The following PIGN variants were observed in gnomAD, a reference collection of about 807,000 sequenced individuals.
The protein encoded by PIGN is GPI ethanolamine phosphate transferase 1.
In PIGN, 117 loss-of-function variants were observed where a neutral mutation model predicts 125.4. The observed-to-expected ratio is 0.93, with a 90% CI of 0.80 to 1.09. PIGN has a LOEUF of 1.09. PIGN is among the 50% of genes least tolerant of loss of function. PIGN has a pLI of 0.00. For synonymous variants in PIGN, 392 were observed against 377.8 expected (o/e 1.04, Z -0.44); for missense variants, 1,075 against 1,094.9 (o/e 0.98, Z 0.26).
At chr18:62,056,970 G>A (rs1230491336) in intron 30 of PIGN, 1 of 152,202 alleles carries the variant, frequency 6.6e-6, no homozygotes, top group Non-Finnish European at 1.5e-5. Context: ...ATCTGAGGTA[G>A]AATGGTTTCA....
At chr18:62,091,261 C>T (rs976530580) in intron 23 of PIGN, among the ~76,000 whole-genome samples, 5 of 152,096 alleles carry the variant, frequency 3.3e-5, no homozygotes, top group Non-Finnish European at 4.4e-5. Context: ...AGGAGAATCA[C>T]GTGAACCCGG....
intron 15 of PIGN, 43 bp from the exon 16 acceptor site, chr18:62,113,359 AG>A: frequency 6.9e-7 from 1 of 1,450,180 alleles, no homozygotes; most frequent in East Asian, 2.3e-5. Flanking sequence ...AGAAATAATA[AG>A]AAAACCTACA....
chr18:62,045,555 T>C lies in PIGN; in HGVS notation c.*301A>G. The C allele has an allele frequency of 8.6e-6, 2 of 231,542 alleles. No individual in the cohort carries two copies. Among genetic ancestry groups the C allele is most frequent in the South Asian group, 1.4e-4 (2 of 14,670 alleles). The allele number at this position is 231,542 out of a possible 1,614,324, so 14.3% of individuals were successfully genotyped here. A position where few individuals can be genotyped will look rare whatever the true frequency, so the allele number is the denominator to read the frequency against. On this transcript the variant is annotated 3_prime_UTR_variant, in exon 31 of 31. Transcript: ENST00000640252. Reference sequence around the variant, plus strand: ...GAAGTTGTGCGACTGGGGACCAGATTGCTGCAGGTGCTCTCAACATCACTG... The same window carrying C: ...GAAGTTGTGCGACTGGGGACCAGATCGCTGCAGGTGCTCTCAACATCACTG...
chr18:62,120,462 A>G (rs1332111301), intron 14 of PIGN, among the ~76,000 whole-genome samples: 1 of 152,210 alleles, frequency 6.6e-6, no homozygotes, highest in African/African-American at 2.4e-5. Context: ...AAATACAGAA[A>G]TGTGGAAAGG....
In PIGN at chr18:62,021,181, A is replaced by C. The variant is rs1001641521; in HGVS notation, c.2143-3440T>G. Reference sequence around the variant, plus strand: ...CCAAGAGAAAAGGAAATACATGTTCATACAAAGACTTATGCATGGATGTTT... The same window carrying C: ...CCAAGAGAAAAGGAAATACATGTTCCTACAAAGACTTATGCATGGATGTTT... On this transcript the variant is annotated intron_variant, in intron 23 of 24. Coordinates refer to the PIGN transcript ENST00000639600. 2.0e-5 allele frequency among the ~76,000 whole-genome samples: 3 copies of C among 152,238 alleles called. No homozygotes were observed. In the East Asian group the frequency reaches 5.8e-4, roughly 29 times the overall value.
chr18:62,110,462 C>T (rs2034831842), intron 16 of PIGN, among the ~76,000 whole-genome samples: 1 of 152,128 alleles, frequency 6.6e-6, no homozygotes, highest in African/African-American at 2.4e-5. Flanking sequence ...CAGTCATATG[C>T]ACTATTCCCA....
At chr18:62,175,714 G>GT (rs2037502336) in intron 1 of PIGN, among the ~76,000 whole-genome samples, 1 of 152,176 alleles carries the variant, frequency 6.6e-6, no homozygotes, top group African/African-American at 2.4e-5. Context: ...GGCAATGACT[G>GT]TGTTTCTGTT....
intron 16 of PIGN, 43 bp from the exon 17 acceptor site, chr18:62,110,016 G>T: frequency 6.3e-7 from 1 of 1,590,386 alleles, no homozygotes; most frequent in Non-Finnish European, 8.6e-7. Flanking sequence ...CAAACCAATG[G>T]TAATTGATAG....
chr18:62,097,392 T>C (rs1009854063), intron 22 of PIGN, among the ~76,000 whole-genome samples: 2 of 139,116 alleles, frequency 1.4e-5, no homozygotes, highest in Admixed American at 1.5e-4. Context: ...TCACACCAGT[T>C]AGAATGGCAA....
downstream of PIGN, among the ~76,000 whole-genome samples, chr18:62,036,643 A>G (rs2030264651): frequency 1.3e-5 from 2 of 152,210 alleles, no homozygotes; most frequent in African/African-American, 4.8e-5. Flanking sequence ...GGCTGGTTTC[A>G]TTCCACTGGT....
rs185165332 is a variant in PIGN, at chr18:62,079,350, T to A, written c.2576+3323A>T. On this transcript the variant is annotated intron_variant, in intron 28 of 30. Transcript: ENST00000640252. Reference sequence around the variant, plus strand: ...CAGTAAGCTCTGATCACAAAATGTATCACCAGTGGCTAGTACAGTGCCCGG... The same window carrying A: ...CAGTAAGCTCTGATCACAAAATGTAACACCAGTGGCTAGTACAGTGCCCGG... Among the ~76,000 whole-genome samples, 164 of 152,352 alleles carry A rather than the reference T, an allele frequency of 1.1e-3. 1 individual carries two copies. The highest frequency in any genetic ancestry group is 1.9e-3 in the Non-Finnish European group (131 of 68,030).
chr18:62,074,384 T>C (rs763222028), intron 29 of PIGN, among the ~76,000 whole-genome samples: 18 of 152,226 alleles, frequency 1.2e-4, no homozygotes, highest in Non-Finnish European at 2.5e-4. Context: ...AAAAGCTGTA[T>C]TTCCTGTTTC....
At position 62,159,989 on chromosome 18, in the gene PIGN, T is replaced by C. The variant is rs949108502; in HGVS notation, c.221+1144A>G. 2.6e-5 allele frequency among the ~76,000 whole-genome samples: 4 copies of C among 152,200 alleles called. 1 individual carries two copies. The South Asian group carries it at 8.3e-4, about 32-fold the overall frequency. On this transcript the variant is annotated intron_variant, in intron 4 of 30. Transcript: ENST00000640252. The stretch of plus-strand genomic sequence containing the variant: ...TTAGCCGGGTGTGGTGGCGGGCGCC[T>C]GTAGTCCCAGCTACTCGGGAGGCTG...
chr18:62,024,996 C>T (rs916189423), intron 23 of PIGN, among the ~76,000 whole-genome samples: 7 of 152,070 alleles, frequency 4.6e-5, no homozygotes, highest in Admixed American at 1.3e-4. Flanking sequence ...GTAGGAGAAA[C>T]CCTAGCAGAG....
intron 14 of PIGN, among the ~76,000 whole-genome samples, chr18:62,119,680 C>T (rs970363689): frequency 6.6e-6 from 1 of 151,964 alleles, no homozygotes; most frequent in African/African-American, 2.4e-5. Context: ...CCAGTCTCTA[C>T]TAAAAGTACA....
chr18:62,078,140 C>T (rs2033267171), intron 28 of PIGN, among the ~76,000 whole-genome samples: 1 of 152,076 alleles, frequency 6.6e-6, no homozygotes, highest in East Asian at 1.9e-4. Context: ...ACAAATCAGC[C>T]CCTAACTGGG....
At chr18:62,118,804 GA>G (rs1056712270) in intron 14 of PIGN, 2 of 147,410 alleles carry the variant, frequency 1.4e-5, no homozygotes, top group African/African-American at 5.0e-5. Context: ...GCTTTTATAA[GA>G]AAGAAATATT....
intron 30 of PIGN, among the ~76,000 whole-genome samples, chr18:62,065,566 G>A (rs1429381871): frequency 1.3e-5 from 2 of 151,798 alleles, no homozygotes; most frequent in Non-Finnish European, 2.9e-5. Flanking sequence ...GTGAAACCCC[G>A]TCTCTACTAA....
In PIGN at chr18:62,084,620, A is replaced by G; in HGVS notation, c.2427-14T>C. 2.7e-6 allele frequency: 4 copies of G among 1,495,278 alleles called. No homozygotes were observed. The highest frequency in any genetic ancestry group is 2.8e-5 in the African/African-American group (2 of 72,108). 92.6% of individuals were successfully genotyped at this position (1,495,278 alleles called of 1,614,324 possible). The stretch of plus-strand genomic sequence containing the variant: ...GCAAGATCAAAGCTAGGGAATTATA[A>G]CAAGGAAAAAGAATTTAGAATTCAC... On this transcript the variant is annotated splice_polypyrimidine_tract_variant and intron_variant, in intron 26 of 30. Coordinates refer to ENST00000640252, the MANE Select transcript of PIGN (RefSeq NM_176787.5).
Sources: gnomAD v4.1 joint callset for allele counts (sites outside exome capture counted in the v4.1 genomes callset) on GRCh38, gnomAD v4.1.1 for gene constraint, MANE v1.5 for transcripts, NCBI Gene and HGNC (gene_info 2026-07-23, HGNC 2026-07-21) for gene names.